Variants in GHR observed in about 807,000 individuals in gnomAD.
GHR encodes growth hormone receptor.
In GHR, 35 loss-of-function variants were observed where a neutral mutation model predicts 67.1. The ratio of observed to expected loss-of-function variants is 0.52; its 90% confidence interval spans 0.40 to 0.69. GHR has a LOEUF of 0.69. GHR is among the 30% of genes least tolerant of loss of function. The pLI, the probability that GHR is intolerant of heterozygous loss-of-function variation, is 0.00. For missense variants in GHR, 792 were observed against 764.6 expected (o/e 1.04, Z -0.42); for synonymous variants, 272 against 269.1 (o/e 1.01, Z -0.10).
At position 42,576,109 on chromosome 5, in the gene GHR, A is replaced by AAAATAAAATAAAAT. The variant is rs1750699298; in HGVS notation, c.70+10169_70+10182dup. 7.0e-5 allele frequency among the ~76,000 whole-genome samples: 6 copies of AAAATAAAATAAAAT among 85,984 alleles called. No homozygotes were observed. The East Asian group carries it at 7.4e-4, about 11-fold the overall frequency. The allele number at this position is 85,984 out of a possible 152,430, so 56.4% of individuals were successfully genotyped here. On this transcript the variant is annotated intron_variant, in intron 2 of 9. Coordinates refer to ENST00000230882, the MANE Select transcript of GHR (RefSeq NM_000163.5). ...TAAAATAAAATAAAATAAATAAAATAAAATAAAATAAAATAAAATAAAATA... is the reference window on the plus strand; with the variant it reads ...TAAAATAAAATAAAATAAATAAAATAAAATAAAATAAAATAAATAAAATAAAATAAAATAAAATA...
At chr5:42,474,311 A>AAGAAAGAAAGAAAGAAAGAAAGAAAGAC (rs1745176670) in intron 1 of GHR, among the ~76,000 whole-genome samples, 1 of 138,872 alleles carries the variant, frequency 7.2e-6, no homozygotes, top group Admixed American at 7.2e-5. Flanking sequence ...GAAAGAAAGA[A>AAGAAAGAAAGAAAGAAAGAAAGAAAGAC]AGAAAGAAAG....
At chr5:42,465,619 T>C in intron 1 of GHR, 1 of 979,974 alleles carries the variant, frequency 1.0e-6, no homozygotes, top group Non-Finnish European at 1.6e-6. Flanking sequence ...GGGACTCTGT[T>C]AATTCATCTT....
chr5:42,545,838 A>G (rs1383690637), intron 1 of GHR, among the ~76,000 whole-genome samples: 1 of 152,160 alleles, frequency 6.6e-6, no homozygotes. Flanking sequence ...GCCCCTAATA[A>G]CTTGGGGTTT....
At chr5:42,588,336 A>G (rs1751592293) in intron 2 of GHR, among the ~76,000 whole-genome samples, 2 of 151,782 alleles carry the variant, frequency 1.3e-5, no homozygotes, top group Non-Finnish European at 2.9e-5. Flanking sequence ...TGGCTAACAC[A>G]GTGAAACCCC....
intron 3 of GHR, among the ~76,000 whole-genome samples, chr5:42,635,809 A>G (rs1451831812): frequency 6.6e-6 from 1 of 152,174 alleles, no homozygotes. Context: ...CTGGTTGTAA[A>G]CATATACTGA....
chr5:42,490,907 G>C (rs1746087411), intron 1 of GHR, among the ~76,000 whole-genome samples: 2 of 152,150 alleles, frequency 1.3e-5, no homozygotes, highest in Non-Finnish European at 2.9e-5. Flanking sequence ...ACTAAGCCTA[G>C]CACTTGAAGA....
intron 2 of GHR, among the ~76,000 whole-genome samples, chr5:42,578,390 T>C (rs753893466): frequency 2.2e-4 from 33 of 152,218 alleles, no homozygotes; most frequent in Non-Finnish European, 1.5e-4. Context: ...TTTCATTTGT[T>C]ACTCATCTAA....
intron 1 of GHR, among the ~76,000 whole-genome samples, chr5:42,433,628 A>G (rs1743192458): frequency 6.6e-6 from 1 of 152,066 alleles, no homozygotes; most frequent in African/African-American, 2.4e-5. Context: ...GAGACTATAA[A>G]TGCTACATTT....
chr5:42,580,844 G>T lies in GHR; in HGVS notation c.70+14900G>T, dbSNP rs572346879. Reference sequence around the variant, plus strand: ...TTCCCTCACTGCAGAGTGGTCCTCAGCAGAAAGAAGATTTTGAAGTTTATG... The same window carrying T: ...TTCCCTCACTGCAGAGTGGTCCTCATCAGAAAGAAGATTTTGAAGTTTATG... On this transcript the variant is annotated intron_variant, in intron 2 of 9. Transcript: ENST00000230882. Among the ~76,000 whole-genome samples the T allele has an allele frequency of 2.3e-3, 352 of 152,302 alleles. 1 individual carries two copies. Among genetic ancestry groups the T allele is most frequent in the African/African-American group, 8.1e-3 (338 of 41,554 alleles).
At chr5:42,659,448 C>T (rs1755443504) in intron 3 of GHR, 1 of 152,158 alleles carries the variant, frequency 6.6e-6, no homozygotes, top group South Asian at 2.1e-4. Context: ...CTGAGGGGCC[C>T]TTGAGTATCT....
chr5:42,708,510 A>T lies in GHR; in HGVS notation c.619-2697A>T, dbSNP rs1174379087. The stretch of plus-strand genomic sequence containing the variant: ...TCAGTTTAAAAATAAGGATTTTAAA[A>T]TTTTTTCATTTCAATTTCTAATACT... On this transcript the variant is annotated intron_variant, in intron 6 of 9. Transcript: ENST00000230882. Among the ~76,000 whole-genome samples, 3 of 152,178 alleles carry T rather than the reference A, an allele frequency of 2.0e-5. No individual in the cohort carries two copies. The East Asian group carries it at 5.8e-4, about 29-fold the overall frequency.
chr5:42,557,636 C>G (rs958965911), intron 1 of GHR, among the ~76,000 whole-genome samples: 1 of 152,042 alleles, frequency 6.6e-6, no homozygotes, highest in African/African-American at 2.4e-5. Flanking sequence ...GGATTTGAAC[C>G]TAGCCCTCTG....
rs1744786166 is a variant in GHR at position 42,467,494 on chromosome 5, T to C, written c.-12+43539T>C. 12 of 1,066,864 alleles carry C rather than the reference T, an allele frequency of 1.1e-5. No homozygotes were observed. The East Asian group carries it at 2.8e-4, about 25-fold the overall frequency. The allele number at this position is 1,066,864 out of a possible 1,614,324, so 66.1% of individuals were successfully genotyped here. A position where few individuals can be genotyped will look rare whatever the true frequency, so the allele number is the denominator to read the frequency against. On this transcript the variant is annotated intron_variant, in intron 1 of 9. Transcript: ENST00000230882. Reference sequence around the variant, plus strand: ...GCATTTTTCTGTAATGTGGAGTTTCTGGTGCCGAGCAAGTTGTGAGCTATA... The same window carrying C: ...GCATTTTTCTGTAATGTGGAGTTTCCGGTGCCGAGCAAGTTGTGAGCTATA...
intron 2 of GHR, among the ~76,000 whole-genome samples, chr5:42,595,630 G>A (rs1261720403): frequency 6.6e-6 from 1 of 152,256 alleles, no homozygotes; most frequent in Non-Finnish European, 1.5e-5. Context: ...GAATGAATAA[G>A]TGAGAAAGAA....
At chr5:42,669,242 C>G (rs554252596) in intron 3 of GHR, among the ~76,000 whole-genome samples, 1 of 152,266 alleles carries the variant, frequency 6.6e-6, no homozygotes, top group South Asian at 2.1e-4. Context: ...TTAACTGCAC[C>G]TCTAAACCCT....
chr5:42,679,636 AG>A (rs1756759990), intron 3 of GHR, among the ~76,000 whole-genome samples: 1 of 151,896 alleles, frequency 6.6e-6, no homozygotes, highest in African/African-American at 2.4e-5. Flanking sequence ...AAAAAAAAAA[AG>A]AATACAAATT....
At chr5:42,590,634 C>T (rs1039584716) in intron 2 of GHR, among the ~76,000 whole-genome samples, 1 of 152,206 alleles carries the variant, frequency 6.6e-6, no homozygotes, top group African/African-American at 2.4e-5. Context: ...TCTATTACAA[C>T]CAGTTATCCA....
chr5:42,443,135 A>T (rs1442308915), intron 1 of GHR, among the ~76,000 whole-genome samples: 1 of 152,210 alleles, frequency 6.6e-6, no homozygotes, highest in Non-Finnish European at 1.5e-5. Context: ...AGTTTCTAAA[A>T]GGGGACTGAT....
intron 1 of GHR, among the ~76,000 whole-genome samples, chr5:42,481,078 G>T (rs1395160847): frequency 1.6e-4 from 24 of 151,998 alleles, no homozygotes; most frequent in Non-Finnish European, 2.6e-4. Flanking sequence ...TTTAGGGCAG[G>T]CCTGGTGGTG....
Sources: allele counts gnomAD v4.1 joint callset (sites outside exome capture counted in the v4.1 genomes callset), GRCh38; gene constraint gnomAD v4.1.1; transcripts MANE v1.5; gene names NCBI Gene and HGNC (gene_info 2026-07-23, HGNC 2026-07-21).